The following TANGO6 variants were observed in gnomAD, a reference collection of about 807,000 sequenced individuals.
TANGO6 encodes transport and Golgi organization protein 6 homolog.
TANGO6 carries 90 observed loss-of-function variants against 114.2 expected under a neutral mutation model. That is an observed-to-expected ratio of 0.79 (90% CI 0.66 to 0.94). The LOEUF is 0.94. TANGO6 is among the 40% of genes least tolerant of loss of function. The pLI is 0.00. For missense variants in TANGO6, 1,274 were observed against 1,315.3 expected, an observed-to-expected ratio of 0.97 and a Z score of 0.49; for synonymous variants, 477 against 509.8, an observed-to-expected ratio of 0.94 and a Z score of 0.87.
intron 15 of TANGO6, among the ~76,000 whole-genome samples, chr16:68,984,014 C>G (rs1367501821): frequency 7.2e-6 from 1 of 139,390 alleles, no homozygotes; most frequent in Non-Finnish European, 1.5e-5. Flanking sequence ...GCCTGGGCGA[C>G]AGAGCAAGAC....
At chr16:69,044,684 G>C (rs1959823265) in intron 17 of TANGO6, among the ~76,000 whole-genome samples, 1 of 152,020 alleles carries the variant, frequency 6.6e-6, no homozygotes, top group South Asian at 2.1e-4. Flanking sequence ...CTACTTTTTA[G>C]GCTAACCCCT....
intron 15 of TANGO6, among the ~76,000 whole-genome samples, chr16:69,012,877 A>C (rs916415323): frequency 6.6e-6 from 1 of 152,208 alleles, no homozygotes; most frequent in African/African-American, 2.4e-5. Context: ...CAACTGAGTC[A>C]ATGGGAACAT....
Position 68,909,378 on chromosome 16 carries a change from G to T in TANGO6, c.1968G>T (p.Glu656Asp). The T allele has an allele frequency of 1.3e-6, 2 of 1,554,960 alleles. No homozygotes were observed. Among genetic ancestry groups the T allele is most frequent in the Non-Finnish European group, 1.7e-6 (2 of 1,146,766 alleles). Residue 656 changes from glutamate to aspartate, a missense_variant, in exon 11 of 18, where the codon GAG (glutamate) becomes GAT (aspartate). Transcript: ENST00000261778. ...LMAVLCERMS[E>D]QIFTNVTQVV... ...CTGTTCTGTGCGAGAGAATGTCTGA[G>T]CAGATATTCACAAACGTCACTCAGG...
intron 4 of TANGO6, among the ~76,000 whole-genome samples, chr16:68,871,957 C>T (rs984109188): frequency 1.3e-5 from 2 of 152,116 alleles, no homozygotes; most frequent in East Asian, 1.9e-4. Flanking sequence ...ATGGGCCAGG[C>T]GCAGTGGCTC....
In TANGO6 at chr16:68,860,256, G is replaced by C. The variant is rs189556066; in HGVS notation, c.467G>C (p.Gly156Ala). The C allele has an allele frequency of 6.2e-7, 1 of 1,613,962 alleles. No homozygotes were observed. Among genetic ancestry groups the C allele is most frequent in the Admixed American group, 1.7e-5 (1 of 60,012 alleles). Residue 156 changes from glycine to alanine, a missense_variant, in exon 2 of 18, where the codon GGT becomes GCT. Coordinates refer to ENST00000261778, the MANE Select transcript of TANGO6 (RefSeq NM_024562.2). ...QFVLQFVVTLGICPYLMPGVG... is the reference protein window; with the variant it reads ...QFVLQFVVTLAICPYLMPGVG... ...GTTTTGCAGTTTGTAGTTACCTTGGGTATCTGCCCCTATCTCATGCCTGGT... is the reference window on the plus strand; with the variant it reads ...GTTTTGCAGTTTGTAGTTACCTTGGCTATCTGCCCCTATCTCATGCCTGGT...
intron 11 of TANGO6, among the ~76,000 whole-genome samples, chr16:68,910,617 G>A (rs1962909099): frequency 6.6e-6 from 1 of 152,094 alleles, no homozygotes; most frequent in South Asian, 2.1e-4. Context: ...AGAACCACAA[G>A]GAAATATTAA....
intron 17 of TANGO6, among the ~76,000 whole-genome samples, chr16:69,073,976 A>T (rs79028318): frequency 2.0e-5 from 3 of 149,316 alleles, no homozygotes; most frequent in Non-Finnish European, 1.5e-5. Flanking sequence ...AAAAAAAAAA[A>T]GGCACTCGGG....
chr16:69,045,497 G>T (rs762694162), intron 17 of TANGO6, among the ~76,000 whole-genome samples: 91 of 132,062 alleles, frequency 6.9e-4, no homozygotes, highest in Non-Finnish European at 1.1e-3. Flanking sequence ...TAATCCCAGC[G>T]CTTTGGAAGG....
At chr16:68,984,171 G>A (rs144511646) in intron 15 of TANGO6, among the ~76,000 whole-genome samples, 1 of 152,232 alleles carries the variant, frequency 6.6e-6, no homozygotes, top group Non-Finnish European at 1.5e-5. Flanking sequence ...TGGGAGTTTA[G>A]CATTCATGGA....
intron 14 of TANGO6, among the ~76,000 whole-genome samples, chr16:68,953,179 G>C (rs935893420): frequency 1.3e-5 from 2 of 151,740 alleles, no homozygotes; most frequent in African/African-American, 4.8e-5. Flanking sequence ...TGCCTCCCAG[G>C]TTCGAGCGAT....
chr16:68,855,201 C>T (rs115856013), intron 1 of TANGO6, among the ~76,000 whole-genome samples: 2,123 of 150,440 alleles, frequency 0.014, 43 homozygotes, highest in African/African-American at 0.049. Flanking sequence ...AATGAAGCTC[C>T]GTCTCAAAAA....
At chr16:68,856,828 G>A (rs1315532744) in intron 1 of TANGO6, among the ~76,000 whole-genome samples, 1 of 151,998 alleles carries the variant, frequency 6.6e-6, no homozygotes, top group Non-Finnish European at 1.5e-5. Context: ...ATGCTTCCTT[G>A]GCCAGGCGCG....
chr16:68,872,336 C>G (rs563907177), intron 4 of TANGO6, among the ~76,000 whole-genome samples: 1 of 149,968 alleles, frequency 6.7e-6, no homozygotes, highest in Non-Finnish European at 1.5e-5. Flanking sequence ...GAGTCTTGCT[C>G]TGTCACCCAG....
At chr16:68,882,391 G>T (rs1207023090) in intron 7 of TANGO6, among the ~76,000 whole-genome samples, 20 of 152,022 alleles carry the variant, frequency 1.3e-4, no homozygotes. Flanking sequence ...CAGCTACTCG[G>T]GAGGCTGAAA....
chr16:68,922,255 A>T (rs2152192562), intron 12 of TANGO6, among the ~76,000 whole-genome samples: 1 of 151,654 alleles, frequency 6.6e-6, no homozygotes, highest in South Asian at 2.1e-4. Flanking sequence ...AAAAAAAAAA[A>T]GGCCGGGCGC....
At chr16:68,985,525 C>T (rs1294992406) in intron 15 of TANGO6, among the ~76,000 whole-genome samples, 2 of 152,000 alleles carry the variant, frequency 1.3e-5, no homozygotes, top group East Asian at 1.9e-4. Context: ...GCCTGGACAA[C>T]ATGACGAAAC....
At chr16:69,040,993 G>A (rs950163761) in intron 17 of TANGO6, among the ~76,000 whole-genome samples, 4 of 151,960 alleles carry the variant, frequency 2.6e-5, no homozygotes, top group African/African-American at 9.7e-5. Context: ...GAGAATGAGC[G>A]ACCTCTAAAT....
Position 68,860,582 on chromosome 16 carries a change from A to G in TANGO6, c.735+58A>G, listed in dbSNP as rs528004421. The G allele has an allele frequency of 1.9e-6, 3 of 1,560,996 alleles. No homozygotes were observed. In the African/African-American group the frequency reaches 4.1e-5, roughly 21 times the overall value. On this transcript the variant is annotated intron_variant, in intron 2 of 17. Transcript: ENST00000261778. ...ATTGTGTGTGTATGAATGTGTGTAT[A>G]TATTTGTGGATAGTTGTTATAAAAG... is the stretch of plus-strand genomic sequence containing the variant.
In TANGO6 at chr16:68,878,182, C is replaced by T. The variant is rs201685091; in HGVS notation, c.1196C>T (p.Thr399Ile). Reference protein sequence around the residue: ...TARQFQRVATTTFITLSRERP... With the variant: ...TARQFQRVATITFITLSRERP... ...CGACAATTTCAGAGAGTTGCCACCA[C>T]TACCTTTATAACTTTGTCAAGAGAA... Residue 399 changes from threonine (T) to isoleucine (I), a missense_variant, in exon 6 of 18, where the codon ACT (threonine) becomes ATT (isoleucine). Around this residue, in one of 5 missense-constraint regions of TANGO6, gnomAD observed 908 missense variants for 910.2 expected, o/e 1.00. Coordinates refer to ENST00000261778, the MANE Select transcript of TANGO6 (RefSeq NM_024562.2). 8.4e-5 allele frequency: 136 copies of T among 1,613,252 alleles called. No homozygotes were observed. The highest frequency in any genetic ancestry group is 7.3e-5 in the Non-Finnish European group (86 of 1,179,678).
Sources: allele counts gnomAD v4.1 joint callset (sites outside exome capture counted in the v4.1 genomes callset), GRCh38; gene constraint gnomAD v4.1.1; regional missense constraint gnomAD v4.1.1; transcripts MANE v1.5; gene names NCBI Gene and HGNC (gene_info 2026-07-23, HGNC 2026-07-21).